The following ATXN1 variants were observed in gnomAD, a reference collection of about 807,000 sequenced individuals.
ATXN1 encodes ataxin 1.
ATXN1 carries 8 observed loss-of-function variants against 56.4 expected under a neutral mutation model. That is an observed-to-expected ratio of 0.14 (90% CI 0.08 to 0.26). The LOEUF (loss-of-function observed/expected upper bound fraction) is 0.26. Among genes scored for constraint, ATXN1 ranks in the 10% least tolerant of loss-of-function variants. ATXN1 has a pLI of 1.00. For missense variants in ATXN1, 987 were observed against 1,106.5 expected, an observed-to-expected ratio of 0.89 and a Z score of 1.53; for synonymous variants, 514 against 494.6, an observed-to-expected ratio of 1.04 and a Z score of -0.52.
intron 6 of ATXN1, among the ~76,000 whole-genome samples, chr6:16,353,197 G>C (rs1761607425): frequency 6.6e-6 from 1 of 152,192 alleles, no homozygotes; most frequent in African/African-American, 2.4e-5. Context: ...GATAACGGGG[G>C]ACGTCTGGCT....
At chr6:16,583,857 T>C (rs1762570964) in intron 4 of ATXN1, among the ~76,000 whole-genome samples, 1 of 152,156 alleles carries the variant, frequency 6.6e-6, no homozygotes, top group African/African-American at 2.4e-5. Flanking sequence ...TAGAGGAGGA[T>C]GAAAAGAGGG....
At chr6:16,687,655 A>ACACACAC (rs1217783938) in intron 2 of ATXN1, among the ~76,000 whole-genome samples, 2 of 50,428 alleles carry the variant, frequency 4.0e-5, no homozygotes, top group African/African-American at 2.2e-4. Context: ...TCAAAGAAGA[A>ACACACAC]ATACACACAC....
intron 6 of ATXN1, among the ~76,000 whole-genome samples, chr6:16,380,089 G>T (rs1762220763): frequency 6.6e-6 from 1 of 152,172 alleles, no homozygotes; most frequent in South Asian, 2.1e-4. Flanking sequence ...CCTGATTTTG[G>T]TCAGGATGCA....
intron 4 of ATXN1, among the ~76,000 whole-genome samples, chr6:16,558,938 G>A (rs1296194078): frequency 6.6e-6 from 1 of 151,554 alleles, no homozygotes; most frequent in African/African-American, 2.4e-5. Flanking sequence ...TCAATTCACA[G>A]GATAAACCAA....
At chr6:16,646,985 G>T (rs1226916455) in intron 3 of ATXN1, among the ~76,000 whole-genome samples, 1 of 151,892 alleles carries the variant, frequency 6.6e-6, no homozygotes, top group Non-Finnish European at 1.5e-5. Flanking sequence ...ACTCATTTAG[G>T]TTTTTTTGTT....
intron 4 of ATXN1, among the ~76,000 whole-genome samples, chr6:16,528,185 C>T (rs1419726263): frequency 6.6e-6 from 1 of 151,872 alleles, no homozygotes; most frequent in Non-Finnish European, 1.5e-5. Flanking sequence ...CCTGTAATCC[C>T]AGCTACTCGG....
chr6:16,403,128 CAT>C (rs1758612486), intron 6 of ATXN1, among the ~76,000 whole-genome samples: 1 of 152,142 alleles, frequency 6.6e-6, no homozygotes, highest in Non-Finnish European at 1.5e-5. Flanking sequence ...CATGCACACA[CAT>C]GTACACACAC....
intron 6 of ATXN1, among the ~76,000 whole-genome samples, chr6:16,395,270 CAAAAAAAAAAA>C (rs748314030): frequency 1.9e-4 from 9 of 48,456 alleles, no homozygotes; most frequent in Non-Finnish European, 2.4e-4. Context: ...AACTCCGTCT[CAAAAAAAAAAA>C]AAAAAAAAAA....
intron 6 of ATXN1, among the ~76,000 whole-genome samples, chr6:16,365,695 A>C (rs1761902847): frequency 6.6e-6 from 1 of 152,240 alleles, no homozygotes; most frequent in Non-Finnish European, 1.5e-5. Flanking sequence ...CAAAGGGTGC[A>C]TTCAGTCCCA....
At chr6:16,669,242 C>T (rs1758490643) in intron 2 of ATXN1, among the ~76,000 whole-genome samples, 2 of 152,226 alleles carry the variant, frequency 1.3e-5, no homozygotes, top group South Asian at 4.1e-4. Context: ...AATGCTTATT[C>T]CTAATGACTG....
intron 6 of ATXN1, among the ~76,000 whole-genome samples, chr6:16,375,471 C>A (rs988213136): frequency 8.5e-5 from 13 of 152,168 alleles, no homozygotes; most frequent in African/African-American, 2.9e-4. Flanking sequence ...TCCTTCTATG[C>A]CTGGTTACAA....
Position 16,760,136 on chromosome 6 carries a change from A to C in ATXN1, c.-730+1162T>G, listed in dbSNP as rs1035166202. Among the ~76,000 whole-genome samples the C allele has an allele frequency of 2.6e-5, 4 of 151,724 alleles. No homozygotes were observed. The highest frequency in any genetic ancestry group is 2.0e-4 in the East Asian group (1 of 5,106). ...CGCAGCACTGGAACCACGTAGGAGG[A>C]GGCGGCGGCGCCCCCGGGAGTGGCA... On this transcript the variant is annotated intron_variant, in intron 1 of 7. Transcript: ENST00000436367. This position sits in a 1 kb window ranked among gnomAD's most constrained non-coding sequence, Gnocchi z 5.3.
intron 6 of ATXN1, among the ~76,000 whole-genome samples, chr6:16,427,921 A>G (rs1442412763): frequency 6.6e-6 from 1 of 152,208 alleles, no homozygotes; most frequent in Non-Finnish European, 1.5e-5. Flanking sequence ...TTCAGTGACT[A>G]GAGGCATGGG....
At chr6:16,654,180 C>T (rs1255262892) in intron 3 of ATXN1, among the ~76,000 whole-genome samples, 1 of 152,180 alleles carries the variant, frequency 6.6e-6, no homozygotes, top group Admixed American at 6.5e-5. Context: ...TGATGGCAAA[C>T]ACTCACAGAG....
intron 6 of ATXN1, among the ~76,000 whole-genome samples, chr6:16,418,300 T>C (rs1367982142): frequency 6.6e-6 from 1 of 152,256 alleles, no homozygotes; most frequent in Non-Finnish European, 1.5e-5. Flanking sequence ...TATTAATCCC[T>C]GGCTCCTGGC....
chr6:16,378,537 CTTTATTTATTTATTTATTTA>C (rs71535078), intron 6 of ATXN1, among the ~76,000 whole-genome samples: 1 of 146,694 alleles, frequency 6.8e-6, no homozygotes, highest in Non-Finnish European at 1.5e-5. Context: ...CCTCTCTTGA[CTTTATTTATTTATTTATTTA>C]TTTATTTATT....
At chr6:16,754,311 G>A (rs1760821207) in intron 1 of ATXN1, among the ~76,000 whole-genome samples, 1 of 152,132 alleles carries the variant, frequency 6.6e-6, no homozygotes, top group Admixed American at 6.5e-5. Flanking sequence ...GAGCTGATCT[G>A]CACATTTGCT....
chr6:16,682,077 G>C (rs1758823832), intron 2 of ATXN1, among the ~76,000 whole-genome samples: 1 of 151,940 alleles, frequency 6.6e-6, no homozygotes. Flanking sequence ...ATCTGTATCT[G>C]AACACACTCA....
chr6:16,398,392 A>G (rs1411531971), intron 6 of ATXN1, among the ~76,000 whole-genome samples: 1 of 152,256 alleles, frequency 6.6e-6, no homozygotes, highest in African/African-American at 2.4e-5. Flanking sequence ...TCTAATTTAA[A>G]TTCAAATAGA....
Sources: allele counts gnomAD v4.1 joint callset (sites outside exome capture counted in the v4.1 genomes callset), GRCh38; gene constraint gnomAD v4.1.1; non-coding constraint Gnocchi (gnomAD v3.1); transcripts MANE v1.5; gene names NCBI Gene and HGNC (gene_info 2026-07-23, HGNC 2026-07-21).